The following AKAP10 variants were observed in gnomAD, a reference collection of about 807,000 sequenced individuals.
AKAP10 encodes the protein A-kinase anchoring protein 10.
In AKAP10, 24 loss-of-function variants were observed where a neutral mutation model predicts 80.8. The observed-to-expected ratio is 0.30, with a 90% CI of 0.22 to 0.42. AKAP10 has a LOEUF of 0.42. Ranked by LOEUF, AKAP10 falls within the 10% of genes least tolerant of loss-of-function variation. The pLI is 1.00. For missense variants in AKAP10, 661 were observed against 794.9 expected, an observed-to-expected ratio of 0.83 and a Z score of 2.03; for synonymous variants, 291 against 277.7, an observed-to-expected ratio of 1.05 and a Z score of -0.48.
At chr17:19,906,259 G>GTC in intron 14 of AKAP10, 27 bp from the exon 15 acceptor site, 1 of 1,598,898 alleles carries the variant, frequency 6.3e-7, no homozygotes, top group Non-Finnish European at 8.5e-7. Context: ...AAAGAAAATG[G>GTC]TAAGGTGCAT....
In AKAP10 at chr17:19,962,948, C is replaced by T; in HGVS notation, c.211G>A (p.Val71Ile). The change falls in exon 3 of 15, where the codon GTT becomes ATT. Residue 71 changes from valine (V) to isoleucine (I), a missense_variant. Coordinates refer to ENST00000225737, the MANE Select transcript of AKAP10 (RefSeq NM_007202.4). ...ALLEAAGPSH[V>I]AINAISANMD... ...TTGGCAGAAATGGCATTGATTGCAACATGACTTGGTCCTGCAGCCTCCAGC... is the reference window on the plus strand; with the variant it reads ...TTGGCAGAAATGGCATTGATTGCAATATGACTTGGTCCTGCAGCCTCCAGC... 1 of 1,614,052 alleles carries T rather than the reference C, an allele frequency of 6.2e-7. No individual in the cohort carries two copies. Among genetic ancestry groups the T allele is most frequent in the Non-Finnish European group, 8.5e-7 (1 of 1,179,952 alleles).
At chr17:19,932,037 TAAATA>T in intron 9 of AKAP10, 59 bp from the exon 10 acceptor site, 1 of 1,439,280 alleles carries the variant, frequency 6.9e-7, no homozygotes, top group East Asian at 2.4e-5. Flanking sequence ...AAAACTGTTT[TAAATA>T]AATAAATTTT....
intron 8 of AKAP10, among the ~76,000 whole-genome samples, chr17:19,939,208 C>T (rs1445449087): frequency 6.6e-6 from 1 of 152,128 alleles, no homozygotes; most frequent in Non-Finnish European, 1.5e-5. Flanking sequence ...AACAACGTGC[C>T]TGAGCAGATT....
At chr17:19,956,800 T>C (rs1161486518) in intron 4 of AKAP10, among the ~76,000 whole-genome samples, 2 of 151,034 alleles carry the variant, frequency 1.3e-5, no homozygotes, top group Non-Finnish European at 3.0e-5. Context: ...AGGTCAGGAG[T>C]TCAAGATCAG....
intron 1 of AKAP10, among the ~76,000 whole-genome samples, 192 bp from the exon 2 acceptor site, chr17:19,968,653 C>G (rs1011038043): frequency 5.3e-5 from 8 of 152,272 alleles, no homozygotes; most frequent in Admixed American, 5.2e-4. Context: ...GGAACAGCAT[C>G]CAGTCAAAAG....
intron 1 of AKAP10, among the ~76,000 whole-genome samples, chr17:19,970,823 A>T (rs986334403): frequency 6.8e-6 from 1 of 147,784 alleles, no homozygotes; most frequent in African/African-American, 2.5e-5. Flanking sequence ...ACTCTGTCTT[A>T]AAAAAAAAAA....
chr17:19,953,013 T>G (rs967220202), intron 4 of AKAP10, among the ~76,000 whole-genome samples: 3 of 152,144 alleles, frequency 2.0e-5, no homozygotes, highest in Non-Finnish European at 4.4e-5. Context: ...TTTAAAAAAT[T>G]TTTTAATGTT....
chr17:19,969,635 T>C (rs1396948244), intron 1 of AKAP10, among the ~76,000 whole-genome samples: 2 of 151,958 alleles, frequency 1.3e-5, no homozygotes, highest in African/African-American at 2.4e-5. Flanking sequence ...CTCTTAAACA[T>C]TGAAAGGTGA....
At position 19,958,444 on chromosome 17, in the gene AKAP10, C is replaced by T. The variant is rs752766301; in HGVS notation, c.447G>A (p.Glu149=). ...CCTCTAACCAAAATTTCACCAAATGCTCCATTCGCCGAAGTTCCATGAATT... is the reference window on the plus strand; with the variant it reads ...CCTCTAACCAAAATTTCACCAAATGTTCCATTCGCCGAAGTTCCATGAATT... The part of the protein sequence containing the change: ...FIQFMELRRM[E]HLVKFWLEAE... The change falls in exon 4 of 15, where the codon GAG becomes GAA. Residue 149 remains glutamate (E), a synonymous_variant. Coordinates refer to ENST00000225737, the MANE Select transcript of AKAP10 (RefSeq NM_007202.4). The T allele has an allele frequency of 2.7e-5, 44 of 1,614,028 alleles. No individual in the cohort carries two copies. Among genetic ancestry groups the T allele is most frequent in the Non-Finnish European group, 3.5e-5 (41 of 1,180,044 alleles).
intron 14 of AKAP10, among the ~76,000 whole-genome samples, chr17:19,908,014 C>T (rs113094562): frequency 0.019 from 2,850 of 152,130 alleles, 77 homozygotes; most frequent in African/African-American, 0.064. Context: ...CAGGTGCCGG[C>T]CACCATGCCT....
rs75202338 is a variant in AKAP10, at chr17:19,939,001, T to C, written c.1322+712A>G. On this transcript the variant is annotated intron_variant, in intron 8 of 14. Coordinates refer to ENST00000225737, the MANE Select transcript of AKAP10 (RefSeq NM_007202.4). ...CCTGCCTCTGCCTCTCAAAGTGTTG[T>C]GATTACAGGAGTGAGCCACCGTGCC... 2.7e-3 allele frequency among the ~76,000 whole-genome samples: 405 copies of C among 152,238 alleles called. 15 individuals are homozygous for C. In the East Asian group the frequency reaches 0.074, roughly 28 times the overall value.
chr17:19,977,773 G>C lies in AKAP10; in HGVS notation c.-94C>G, dbSNP rs1436252948. ...CGGGAGTGGGCCCCACCGCCTCCTC[G>C]GGATGCCCAGGCAGCTCCAGCCGCC... On this transcript the variant is annotated 5_prime_UTR_variant, in exon 1 of 15. Transcript: ENST00000225737. 6.8e-6 allele frequency: 5 copies of C among 735,432 alleles called. No homozygotes were observed. The highest frequency in any genetic ancestry group is 4.3e-5 in the Admixed American group (1 of 23,104). 45.6% of individuals were successfully genotyped at this position (735,432 alleles called of 1,614,324 possible). A position where few individuals can be genotyped will look rare whatever the true frequency, so the allele number is the denominator to read the frequency against.
At chr17:19,934,758 A>C (rs1161209714) in intron 9 of AKAP10, among the ~76,000 whole-genome samples, 1 of 152,212 alleles carries the variant, frequency 6.6e-6, no homozygotes, top group Admixed American at 6.5e-5. Flanking sequence ...CATGCCTGTA[A>C]TCCCAGCACT....
intron 3 of AKAP10, among the ~76,000 whole-genome samples, chr17:19,959,666 T>A (rs1360063216): frequency 3.9e-5 from 6 of 152,178 alleles, no homozygotes; most frequent in South Asian, 2.1e-4. Context: ...AGACAAAAAA[T>A]TTTTTTAAAA....
chr17:19,939,805 C>T lies in AKAP10; in HGVS notation c.1230G>A (p.Leu410=), dbSNP rs1034822690. The T allele has an allele frequency of 6.2e-7, 1 of 1,613,966 alleles. No individual in the cohort carries two copies. The highest frequency in any genetic ancestry group is 1.1e-5 in the South Asian group (1 of 91,076). ...EDAVNILQFW[L]AADNFQSQLA... ...GCTGAGACTGGAAGTTATCTGCTGC[C>T]AACCAGAATTGTAAGATATTCACTG... is the stretch of plus-strand genomic sequence containing the variant. The change falls in exon 8 of 15, where the codon TTG becomes TTA. Residue 410 remains leucine (L), a synonymous_variant. Transcript: ENST00000225737.
intron 12 of AKAP10, among the ~76,000 whole-genome samples, 160 bp downstream of exon 12, chr17:19,919,876 T>C (rs906212746): frequency 1.3e-5 from 2 of 152,208 alleles, no homozygotes; most frequent in Admixed American, 1.3e-4. Flanking sequence ...AAGATGTGAC[T>C]ACAGGAAGCC....
chr17:19,961,516 C>T (rs1224838670), intron 3 of AKAP10, among the ~76,000 whole-genome samples: 1 of 152,140 alleles, frequency 6.6e-6, no homozygotes, highest in Admixed American at 6.6e-5. Flanking sequence ...GTGTGCCCCA[C>T]AAACACATTG....
intron 7 of AKAP10, among the ~76,000 whole-genome samples, chr17:19,940,386 A>C (rs1178340910): frequency 6.6e-6 from 1 of 152,226 alleles, no homozygotes; most frequent in Non-Finnish European, 1.5e-5. Flanking sequence ...CTTTCCAACA[A>C]AATAATTTCA....
intron 4 of AKAP10, among the ~76,000 whole-genome samples, chr17:19,953,016 T>C (rs1222980556): frequency 2.0e-5 from 3 of 152,086 alleles, no homozygotes; most frequent in African/African-American, 7.2e-5. Context: ...AAAAAATTTT[T>C]TAATGTTATT....
Sources: gnomAD v4.1 joint callset for allele counts (sites outside exome capture counted in the v4.1 genomes callset) on GRCh38, gnomAD v4.1.1 for gene constraint, MANE v1.5 for transcripts, NCBI Gene and HGNC (gene_info 2026-07-23, HGNC 2026-07-21) for gene names.